Variants in PLAC8 observed in about 807,000 individuals in gnomAD.
The protein encoded by PLAC8 is placenta-specific gene 8 protein.
In PLAC8, 6 loss-of-function variants were observed where a neutral mutation model predicts 12.6. The ratio of observed to expected loss-of-function variants is 0.48; its 90% CI spans 0.26 to 0.94. The LOEUF (loss-of-function observed/expected upper bound fraction) is 0.94, where lower values mean the gene tolerates loss of function less well. Ranked by LOEUF, PLAC8 falls within the 40% of genes least tolerant of loss-of-function variation. The probability of loss-of-function intolerance (pLI) is 0.14; values close to 1 mark genes in which losing one functional copy is unlikely to be tolerated. For synonymous variants in PLAC8, 54 were observed against 52.6 expected (o/e 1.03, Z -0.11); for missense variants, 122 against 152.7 (o/e 0.80, Z 1.06).
chr4:83,103,462 G>T (rs1379072911), intron 3 of PLAC8, among the ~76,000 whole-genome samples: 1 of 152,144 alleles, frequency 6.6e-6, no homozygotes, highest in South Asian at 2.1e-4. Flanking sequence ...AAGATGCTGT[G>T]ACCATGGTTG....
rs1489584083 is a variant in PLAC8, at chr4:83,107,951, C to T, written c.-29-1G>A. ...AGTGCAGGGCCTTAAAAGCAGTGGA[C>T]TGAAAAGGCAGAGTGGTGTTAGAAA... On this transcript the variant is annotated splice_acceptor_variant, in intron 1 of 4. Transcript: ENST00000311507. LOFTEE classifies it low-confidence loss of function (5UTR_SPLICE). 4.1e-6 allele frequency: 4 copies of T among 986,536 alleles called. No individual in the cohort carries two copies. The highest frequency in any genetic ancestry group is 6.1e-5 in the Admixed American group (2 of 32,594). 61.1% of individuals were successfully genotyped at this position (986,536 alleles called of 1,614,324 possible).
chr4:83,103,467 T>C (rs1344531599), intron 3 of PLAC8, among the ~76,000 whole-genome samples: 4 of 152,164 alleles, frequency 2.6e-5, no homozygotes, highest in East Asian at 1.9e-4. Context: ...GCTGTGACCA[T>C]GGTTGAAATA....
chr4:83,113,002 G>A lies in PLAC8; in HGVS notation c.-30+1664C>T, dbSNP rs77129242. Reference sequence around the variant, plus strand: ...AAAACCACTTGGACTGCTCTTTAACGTGTAGATTTCTAGACACTGCTCAGA... The same window carrying A: ...AAAACCACTTGGACTGCTCTTTAACATGTAGATTTCTAGACACTGCTCAGA... On this transcript the variant is annotated intron_variant, in intron 1 of 4. Coordinates refer to ENST00000311507, the MANE Select transcript of PLAC8 (RefSeq NM_016619.3). Among the ~76,000 whole-genome samples, 31 of 152,300 alleles carry A rather than the reference G, an allele frequency of 2.0e-4. No homozygotes were observed. The East Asian group carries it at 2.5e-3, about 12-fold the overall frequency.
At chr4:83,091,172 T>C (rs1257768826) in intron 4 of PLAC8, among the ~76,000 whole-genome samples, 1 of 152,222 alleles carries the variant, frequency 6.6e-6, no homozygotes, top group African/African-American at 2.4e-5. Flanking sequence ...AATGAACCCA[T>C]ACTGATGCAT....
At chr4:83,114,373 C>T (rs1732485163) in intron 1 of PLAC8, among the ~76,000 whole-genome samples, 1 of 152,096 alleles carries the variant, frequency 6.6e-6, no homozygotes, top group Admixed American at 6.6e-5. Context: ...TTACTAAATA[C>T]AATGTATAAT....
At chr4:83,113,914 TGAG>T (rs1227810340) in intron 1 of PLAC8, among the ~76,000 whole-genome samples, 6 of 151,776 alleles carry the variant, frequency 4.0e-5, no homozygotes, top group Non-Finnish European at 7.4e-5. Flanking sequence ...ACTTCACTCC[TGAG>T]GACAGCCCAC....
chr4:83,094,395 C>G (rs376393694), intron 4 of PLAC8: 9 of 256,542 alleles, frequency 3.5e-5, no homozygotes, highest in African/African-American at 2.1e-4. Flanking sequence ...TCACCATACT[C>G]TGGTATTTTA....
intron 1 of PLAC8, among the ~76,000 whole-genome samples, chr4:83,111,985 A>T (rs1167862715): frequency 6.6e-6 from 1 of 151,876 alleles, no homozygotes. Context: ...GACCAACCTG[A>T]ACAACATGGA....
At chr4:83,101,162 G>A (rs561054593) in intron 3 of PLAC8, among the ~76,000 whole-genome samples, 7 of 152,228 alleles carry the variant, frequency 4.6e-5, no homozygotes, top group Admixed American at 1.3e-4. Flanking sequence ...GGCAGATCAC[G>A]AGGTCAGGAG....
At chr4:83,110,507 G>A (rs186967669) in intron 1 of PLAC8, among the ~76,000 whole-genome samples, 24 of 152,352 alleles carry the variant, frequency 1.6e-4, no homozygotes, top group Non-Finnish European at 2.8e-4. Context: ...AGGGGATTTT[G>A]TGGGCCAAGT....
rs1732184791 is a variant in PLAC8, at chr4:83,104,287, TG to T, written c.243+608del. 6.6e-5 allele frequency among the ~76,000 whole-genome samples: 10 copies of T among 152,342 alleles called. No homozygotes were observed. In the South Asian group the frequency reaches 2.1e-3, roughly 32 times the overall value. ...CTTTATTGCAATATTTGCTTTATTG[TG>T]GTGGTCTAGAACTAAACCTGTATAT... On this transcript the variant is annotated intron_variant, in intron 3 of 4. Coordinates refer to ENST00000311507, the MANE Select transcript of PLAC8 (RefSeq NM_016619.3).
At chr4:83,106,619 A>AAAAAAAC (rs1014860271) in intron 2 of PLAC8, among the ~76,000 whole-genome samples, 1 of 152,050 alleles carries the variant, frequency 6.6e-6, no homozygotes, top group Non-Finnish European at 1.5e-5. Context: ...CTGTGTCTCA[A>AAAAAAAC]AAAAAACAAA....
chr4:83,111,609 A>T (rs568522185), intron 1 of PLAC8, among the ~76,000 whole-genome samples: 4 of 152,332 alleles, frequency 2.6e-5, no homozygotes, highest in Admixed American at 2.6e-4. Context: ...AATAAAGATG[A>T]TCCTACAACT....
rs896324225 is a variant in PLAC8 at position 83,090,584 on chromosome 4, A to G, written c.*397T>C. 6 of 151,226 alleles carry G rather than the reference A, an allele frequency of 4.0e-5. No homozygotes were observed. The highest frequency in any genetic ancestry group is 7.4e-5 in the Non-Finnish European group (5 of 67,786). 9.4% of individuals were successfully genotyped at this position (151,226 alleles called of 1,614,324 possible). On this transcript the variant is annotated 3_prime_UTR_variant, in exon 5 of 5. Transcript: ENST00000311507. ...CCCCAACTCTATTAAAAAAAAAAAA[A>G]AAGAAAAAGGAAATCAAAGTATAAG... is the stretch of plus-strand genomic sequence containing the variant.
chr4:83,105,093 CA>C, intron 2 of PLAC8, 73 bp from the exon 3 acceptor site: 1 of 1,577,354 alleles, frequency 6.3e-7, no homozygotes, highest in South Asian at 1.1e-5. Context: ...AGCTTGCTTT[CA>C]CAAATGGCAG....
chr4:83,101,455 G>A (rs1732099773), intron 3 of PLAC8, among the ~76,000 whole-genome samples: 1 of 152,222 alleles, frequency 6.6e-6, no homozygotes, highest in African/African-American at 2.4e-5. Context: ...GTTGCTTCAT[G>A]AGGTTTAAGG....
At chr4:83,103,931 G>A (rs950661430) in intron 3 of PLAC8, among the ~76,000 whole-genome samples, 3 of 152,084 alleles carry the variant, frequency 2.0e-5, no homozygotes, top group Non-Finnish European at 4.4e-5. Flanking sequence ...GCCTCCCGAA[G>A]TGCTGGGATT....
At chr4:83,105,651 A>G (rs1031233938) in intron 2 of PLAC8, among the ~76,000 whole-genome samples, 3 of 152,232 alleles carry the variant, frequency 2.0e-5, no homozygotes, top group African/African-American at 7.2e-5. Context: ...AGAGTGTGCC[A>G]TGAGAGTTAT....
At chr4:83,095,039 T>C (rs1237690533) in intron 3 of PLAC8, among the ~76,000 whole-genome samples, 1 of 152,184 alleles carries the variant, frequency 6.6e-6, no homozygotes, top group Non-Finnish European at 1.5e-5. Flanking sequence ...AGTATGAGAG[T>C]TAAATATCCT....
Sources: allele counts gnomAD v4.1 joint callset (sites outside exome capture counted in the v4.1 genomes callset), GRCh38; gene constraint gnomAD v4.1.1; transcripts MANE v1.5; gene names NCBI Gene and HGNC (gene_info 2026-07-23, HGNC 2026-07-21).